The following MCF2 variants were observed in gnomAD, a reference collection of about 807,000 sequenced individuals.
The protein encoded by MCF2 is MCF.2 cell line derived transforming sequence.
In MCF2, 44 loss-of-function variants were observed where a neutral mutation model predicts 82.5. The ratio of observed to expected loss-of-function variants is 0.53; its 90% CI spans 0.42 to 0.69. MCF2 has a LOEUF of 0.69. Among genes scored for constraint, MCF2 ranks in the 30% least tolerant of loss-of-function variants. The pLI is 0.00. For missense variants in MCF2, 623 were observed against 663.1 expected, an observed-to-expected ratio of 0.94 and a Z score of 0.66; for synonymous variants, 217 against 224.9, an observed-to-expected ratio of 0.96 and a Z score of 0.32.
chrX:139,607,703 T>C, exon 12 of MCF2: 1 of 1,193,562 alleles, frequency 8.4e-7, no homozygotes, highest in Non-Finnish European at 1.1e-6. Context: ...CTTTAAAACA[T>C]CCAAGCTATT....
At position 139,614,878 on chromosome X, in the gene MCF2, T is replaced by C; in HGVS notation, c.1363+3A>G. ...AAGAGACAGAGAAAGTAAGACATTT[T>C]ACCTTGTTTAGATGAAAAAAATGGT... On this transcript the variant is annotated splice_donor_region_variant and intron_variant, in intron 10 of 24. Coordinates refer to ENST00000370576, the Ensembl canonical transcript of MCF2. 1 of 1,197,395 alleles carries C rather than the reference T, an allele frequency of 8.4e-7. No individual in the cohort carries two copies. The highest frequency in any genetic ancestry group is 1.1e-6 in the Non-Finnish European group (1 of 886,804).
rs1013477062 is a variant in MCF2, at chrX:139,583,596, C to A, written c.2746-1093G>T. On this transcript the variant is annotated intron_variant, in intron 24 of 24. Coordinates refer to ENST00000370576, the Ensembl canonical transcript of MCF2. ...TGGGCACAATGAACACTGGGGACTA[C>A]TAGAGGGAGGAAAGAGGGTTGGCAG... is the stretch of plus-strand genomic sequence containing the variant. Among the ~76,000 whole-genome samples the A allele has an allele frequency of 3.6e-5, 4 of 110,858 alleles. No individual in the cohort carries two copies. In the Admixed American group the frequency reaches 3.9e-4, roughly 11 times the overall value.
intron 1 of MCF2, among the ~76,000 whole-genome samples, chrX:139,685,484 A>C (rs1388362028): frequency 2.7e-5 from 3 of 111,139 alleles, no homozygotes; most frequent in African/African-American, 9.8e-5. Context: ...TTACCAGTGC[A>C]TGCAGCCCCC....
intron 12 of MCF2, 57 bp from the exon 17 acceptor site, chrX:139,605,836 T>A: frequency 1.1e-6 from 1 of 891,083 alleles, no homozygotes; most frequent in Non-Finnish European, 1.6e-6. Flanking sequence ...TATATTGCAA[T>A]GTTTCAAGTA....
chrX:139,678,975 C>G (rs774985540), intron 1 of MCF2, among the ~76,000 whole-genome samples: 2 of 112,225 alleles, frequency 1.8e-5, no homozygotes, highest in Non-Finnish European at 3.8e-5. Context: ...AAGAAAACAT[C>G]CCAAGTAGAA....
At chrX:139,665,926 T>TATAC (rs1457804512) in intron 1 of MCF2, among the ~76,000 whole-genome samples, 22 of 73,250 alleles carry the variant, frequency 3.0e-4, no homozygotes, top group Non-Finnish European at 4.6e-4. Context: ...TATATATATA[T>TATAC]ACACACACAC....
chrX:139,596,531 C>T lies in MCF2; in HGVS notation c.2277+18G>A, dbSNP rs759869646. The T allele has an allele frequency of 7.0e-6, 8 of 1,145,830 alleles. No individual in the cohort carries two copies. The highest frequency in any genetic ancestry group is 8.4e-6 in the Non-Finnish European group (7 of 837,412). The allele number at this position is 1,145,830 out of a possible 1,213,427, so 94.4% of individuals were successfully genotyped here. A position where few individuals can be genotyped will look rare whatever the true frequency, so the allele number is the denominator to read the frequency against. The stretch of plus-strand genomic sequence containing the variant: ...ACACACGAAACAATACTACATTACC[C>T]GATACAAATTGTCTTACTTTCCAAC... On this transcript the variant is annotated intron_variant, in intron 19 of 24. Coordinates refer to ENST00000370576, the Ensembl canonical transcript of MCF2.
At chrX:139,628,153 C>T (rs182421925) in intron 4 of MCF2, among the ~76,000 whole-genome samples, 1 of 111,742 alleles carries the variant, frequency 8.9e-6, no homozygotes, top group Admixed American at 9.5e-5. Flanking sequence ...ATAAATTGTT[C>T]TACCAAAAGA....
intron 6 of MCF2, among the ~76,000 whole-genome samples, chrX:139,621,766 C>T (rs1353568089): frequency 9.0e-6 from 1 of 111,223 alleles, no homozygotes; most frequent in Non-Finnish European, 1.9e-5. Context: ...GACCTAAAAC[C>T]ATAAAAACCC....
chrX:139,667,152 C>A (rs191007125), intron 1 of MCF2, among the ~76,000 whole-genome samples: 22 of 107,948 alleles, frequency 2.0e-4, no homozygotes, highest in Non-Finnish European at 3.6e-4. Flanking sequence ...TTTCAGAATT[C>A]TCCTGTATCT....
intron 1 of MCF2, among the ~76,000 whole-genome samples, chrX:139,691,355 G>A (rs1310427699): frequency 1.8e-5 from 2 of 110,718 alleles, no homozygotes; most frequent in Non-Finnish European, 3.8e-5. Context: ...TGCGTTATGG[G>A]AAAAACAAAA....
upstream of MCF2, among the ~76,000 whole-genome samples, chrX:139,645,032 C>A (rs1226529758): frequency 1.8e-5 from 2 of 110,735 alleles, no homozygotes; most frequent in African/African-American, 3.3e-5. Context: ...ATGTTTCTCT[C>A]TCTGGGTCTT....
chrX:139,605,575 T>C (rs1930929544), intron 13 of MCF2, 138 bp downstream of exon 17: 1 of 465,831 alleles, frequency 2.1e-6, no homozygotes, highest in Non-Finnish European at 3.6e-6. Flanking sequence ...CATCAAACAA[T>C]AAAAGAAATG....
intron 1 of MCF2, among the ~76,000 whole-genome samples, chrX:139,641,831 T>G (rs1385956952): frequency 9.0e-6 from 1 of 111,452 alleles, no homozygotes; most frequent in Non-Finnish European, 1.9e-5. Context: ...AAAGACTGCA[T>G]GAAATGTACC....
intron 1 of MCF2, among the ~76,000 whole-genome samples, chrX:139,652,448 C>G (rs12397129): frequency 0.029 from 3,256 of 111,272 alleles, 114 homozygotes; most frequent in African/African-American, 0.1. Flanking sequence ...AAATACCTGG[C>G]ATAATGGTAA....
intron 1 of MCF2, among the ~76,000 whole-genome samples, chrX:139,695,093 C>T (rs1210043244): frequency 1.9e-5 from 2 of 106,897 alleles, no homozygotes; most frequent in African/African-American, 6.9e-5. Context: ...TGCAGTGGCA[C>T]GATTTCAGCT....
In MCF2 at chrX:139,592,734, C is replaced by A. The variant is rs758759739; in HGVS notation, c.2278-2807G>T. Among the ~76,000 whole-genome samples, 7 of 111,481 alleles carry A rather than the reference C, an allele frequency of 6.3e-5. No homozygotes were observed. In the East Asian group the frequency reaches 1.7e-3, roughly 27 times the overall value. ...GAGCAACTGGCCCTTTGTGACGAAA[C>A]CAAGAGTTTTAAAGAAGCTGCTGTG... On this transcript the variant is annotated intron_variant, in intron 19 of 24. Coordinates refer to ENST00000370576, the Ensembl canonical transcript of MCF2.
intron 1 of MCF2, among the ~76,000 whole-genome samples, chrX:139,673,426 C>T (rs1451198022): frequency 1.6e-4 from 18 of 111,945 alleles, no homozygotes; most frequent in African/African-American, 5.5e-4. Context: ...GATTTTAGAT[C>T]TTTCCTGCTT....
chrX:139,588,393 T>G, exon 21 of MCF2: 1 of 1,207,511 alleles, frequency 8.3e-7, no homozygotes, highest in African/African-American at 1.7e-5. Flanking sequence ...AACAAAATAT[T>G]TCTTATTTCT....
Sources: gnomAD v4.1 joint callset for allele counts (sites outside exome capture counted in the v4.1 genomes callset) on GRCh38, gnomAD v4.1.1 for gene constraint, MANE v1.5 for transcripts, NCBI Gene and HGNC (gene_info 2026-07-23, HGNC 2026-07-21) for gene names.